Variants in ARID4B observed in about 807,000 individuals in gnomAD.
The protein encoded by ARID4B is AT-rich interactive domain-containing protein 4B.
ARID4B carries 26 observed loss-of-function variants against 147.5 expected under a neutral mutation model. The ratio of observed to expected loss-of-function variants is 0.18; its 90% CI spans 0.13 to 0.24. ARID4B has a LOEUF of 0.24. Ranked by LOEUF, ARID4B falls within the 10% of genes least tolerant of loss-of-function variation. The probability of loss-of-function intolerance (pLI) is 1.00; values close to 1 mark genes in which losing one functional copy is unlikely to be tolerated. For synonymous variants in ARID4B, 512 were observed against 507.9 expected, an observed-to-expected ratio of 1.01 and a Z score of -0.11; for missense variants, 1,179 against 1,511.5, an observed-to-expected ratio of 0.78 and a Z score of 3.65.
intron 19 of ARID4B, among the ~76,000 whole-genome samples, chr1:235,186,127 A>G (rs552990698): frequency 5.3e-4 from 81 of 151,958 alleles, no homozygotes; most frequent in Non-Finnish European, 1.0e-3. Context: ...ATGCCACCAC[A>G]CCCAGCTAAT....
intron 11 of ARID4B, among the ~76,000 whole-genome samples, chr1:235,225,788 C>T (rs925337252): frequency 1.3e-5 from 2 of 152,114 alleles, no homozygotes; most frequent in Admixed American, 1.3e-4. Context: ...AATGCCACTG[C>T]TTTAGCGAGA....
At chr1:235,236,833 AATATATATATATAT>A (rs1553299956) in intron 8 of ARID4B, among the ~76,000 whole-genome samples, 1 of 33,522 alleles carries the variant, frequency 3.0e-5, no homozygotes, top group African/African-American at 1.5e-4. Context: ...TTTTATAAAA[AATATATATATATAT>A]ATATATATAT....
chr1:235,228,999 T>C (rs1668031076), intron 11 of ARID4B: 1 of 459,588 alleles, frequency 2.2e-6, no homozygotes, highest in African/African-American at 2.0e-5. Flanking sequence ...GACTAAGACA[T>C]GTTTTTGAGG....
chr1:235,280,953 GAA>G (rs201811610), intron 2 of ARID4B, among the ~76,000 whole-genome samples: 2 of 142,996 alleles, frequency 1.4e-5, no homozygotes, highest in African/African-American at 2.6e-5. Flanking sequence ...GTATAAAAAC[GAA>G]AAAAAAAGAG....
chr1:235,234,998 G>A (rs1315071966), intron 8 of ARID4B, among the ~76,000 whole-genome samples: 1 of 152,184 alleles, frequency 6.6e-6, no homozygotes, highest in East Asian at 1.9e-4. Flanking sequence ...ACCACGCAGA[G>A]GCAACTGTTC....
intron 2 of ARID4B, among the ~76,000 whole-genome samples, chr1:235,312,779 C>A (rs1372447908): frequency 9.9e-5 from 15 of 152,002 alleles, no homozygotes; most frequent in Admixed American, 9.8e-4. Flanking sequence ...TTGAGACCAC[C>A]CTAGGTAACA....
At chr1:235,305,486 A>C (rs1171854044) in intron 2 of ARID4B, among the ~76,000 whole-genome samples, 1 of 152,218 alleles carries the variant, frequency 6.6e-6, no homozygotes, top group Non-Finnish European at 1.5e-5. Flanking sequence ...AAGAGGCAGA[A>C]ACAGCATTAA....
intron 2 of ARID4B, among the ~76,000 whole-genome samples, chr1:235,266,117 G>C (rs1304910824): frequency 6.6e-6 from 1 of 152,036 alleles, no homozygotes; most frequent in South Asian, 2.1e-4. Context: ...GAATTCCAGC[G>C]GCAAGAGAAT....
chr1:235,173,765 AAAAAAAATATATATAT>A (rs1392301489), intron 22 of ARID4B, among the ~76,000 whole-genome samples: 1 of 50,058 alleles, frequency 2.0e-5, no homozygotes, highest in African/African-American at 1.2e-4. Flanking sequence ...AAAAAAAAAA[AAAAAAAATATATATAT>A]ATATATATAT....
chr1:235,169,941 C>T (rs370785907), intron 23 of ARID4B, among the ~76,000 whole-genome samples: 16 of 152,212 alleles, frequency 1.1e-4, no homozygotes, highest in African/African-American at 3.4e-4. Flanking sequence ...GAATTACAGG[C>T]GTGAGCAATT....
chr1:235,227,757 C>T (rs912953168), intron 11 of ARID4B, among the ~76,000 whole-genome samples: 31 of 151,442 alleles, frequency 2.0e-4, no homozygotes, highest in Admixed American at 5.9e-4. Flanking sequence ...TCAGAACTAT[C>T]TACCCATTTG....
At chr1:235,231,849 T>C (rs914781617) in intron 9 of ARID4B, among the ~76,000 whole-genome samples, 1 of 152,200 alleles carries the variant, frequency 6.6e-6, no homozygotes, top group African/African-American at 2.4e-5. Context: ...GATTCATGCC[T>C]GTAATCCCAA....
At chr1:235,305,710 G>A (rs947752314) in intron 2 of ARID4B, among the ~76,000 whole-genome samples, 2 of 152,158 alleles carry the variant, frequency 1.3e-5, no homozygotes, top group African/African-American at 4.8e-5. Context: ...TATAATCCCA[G>A]CACTTTAGGA....
In ARID4B at chr1:235,285,119, G is replaced by C. The variant is rs189241526; in HGVS notation, c.7-24367C>G. Among the ~76,000 whole-genome samples the C allele has an allele frequency of 3.5e-4, 53 of 152,166 alleles. No individual in the cohort carries two copies. The Middle Eastern group carries it at 0.017, about 49-fold the overall frequency. On this transcript the variant is annotated intron_variant, in intron 2 of 23. Coordinates refer to ENST00000264183, the MANE Select transcript of ARID4B (RefSeq NM_016374.6). ...TTATTTTCTGCAGAGACAGGGTTTT[G>C]TCATGTTGCCTAGGCTAGTCTTAGA...
chr1:235,227,875 C>A (rs1407003412), intron 11 of ARID4B, among the ~76,000 whole-genome samples: 1 of 149,202 alleles, frequency 6.7e-6, no homozygotes, highest in Non-Finnish European at 1.5e-5. Context: ...TACTGTCACC[C>A]GGGCTGGAGA....
intron 21 of ARID4B, among the ~76,000 whole-genome samples, chr1:235,176,342 GA>G (rs377593112): frequency 1.1e-3 from 140 of 131,110 alleles, no homozygotes; most frequent in African/African-American, 3.8e-3. Flanking sequence ...CACAGTGAAA[GA>G]AAAAACACTT....
intron 2 of ARID4B, among the ~76,000 whole-genome samples, chr1:235,323,073 C>T (rs1215207064): frequency 6.7e-6 from 1 of 149,366 alleles, no homozygotes; most frequent in Non-Finnish European, 1.5e-5. Flanking sequence ...AATGGGGTCT[C>T]CCTGTCACCC....
intron 2 of ARID4B, among the ~76,000 whole-genome samples, chr1:235,321,796 G>C (rs1025577347): frequency 2.0e-5 from 3 of 151,954 alleles, no homozygotes; most frequent in African/African-American, 7.3e-5. Flanking sequence ...ACTGTGCCCG[G>C]CCCTGAATTC....
intron 15 of ARID4B, 135 bp downstream of exon 15, chr1:235,220,167 A>G (rs1010528563): frequency 3.3e-6 from 3 of 909,368 alleles, no homozygotes; most frequent in African/African-American, 3.5e-5. Flanking sequence ...AAAATTATAC[A>G]AAAGTAGCAC....
Sources: gnomAD v4.1 joint callset for allele counts (sites outside exome capture counted in the v4.1 genomes callset) on GRCh38, gnomAD v4.1.1 for gene constraint, MANE v1.5 for transcripts, NCBI Gene and HGNC (gene_info 2026-07-23, HGNC 2026-07-21) for gene names.